Variants in ACADM observed in about 807,000 individuals in gnomAD.
ACADM encodes the protein medium-chain specific acyl-CoA dehydrogenase, mitochondrial.
Under a neutral mutation model 58.9 loss-of-function variants are expected in ACADM, and 49 were observed. The ratio of observed to expected loss-of-function variants is 0.83; its 90% CI spans 0.66 to 1.06. The LOEUF is 1.06. ACADM is among the 50% of genes least tolerant of loss of function. The pLI, the probability that ACADM is intolerant of heterozygous loss-of-function variation, is 0.00. For missense variants in ACADM, 496 were observed against 507.0 expected, an observed-to-expected ratio of 0.98 and a Z score of 0.21; for synonymous variants, 160 against 157.7, an observed-to-expected ratio of 1.01 and a Z score of -0.11.
intron 7 of ACADM, chr1:75,744,637 T>C: frequency 1.0e-6 from 1 of 997,566 alleles, no homozygotes. Flanking sequence ...AATGACAACC[T>C]TCCTGCTGTT....
rs568870934 is a variant in ACADM at position 75,733,658 on chromosome 1, C to T, written c.387+30C>T. 7 of 1,540,100 alleles carry T rather than the reference C, an allele frequency of 4.5e-6. 1 individual carries two copies. The South Asian group carries it at 5.6e-5, about 12-fold the overall frequency. On this transcript the variant is annotated intron_variant, in intron 5 of 11. Coordinates refer to ENST00000370841, the MANE Select transcript of ACADM (RefSeq NM_000016.6). ...GTGACTTAGAAAATTAACTACCTAACTCAGCTCTTGTTAATGAGATAGTTA... is the reference window on the plus strand; with the variant it reads ...GTGACTTAGAAAATTAACTACCTAATTCAGCTCTTGTTAATGAGATAGTTA...
chr1:75,753,564 A>G (rs1648323299), intron 10 of ACADM, among the ~76,000 whole-genome samples: 1 of 152,002 alleles, frequency 6.6e-6, no homozygotes, highest in Admixed American at 6.6e-5. Flanking sequence ...ATCGTCTTCC[A>G]GGTCCTCCTT....
rs1553127399 is a variant in ACADM, at chr1:75,762,745, TGAC to T, written c.1249_1251del (p.Asp417del). 1 of 1,603,688 alleles carries T rather than the reference TGAC, an allele frequency of 6.2e-7. No individual in the cohort carries two copies. The highest frequency in any genetic ancestry group is 8.5e-7 in the Non-Finnish European group (1 of 1,171,424). On this transcript the variant is annotated inframe_deletion, in exon 12 of 12. Transcript: ENST00000370841. ...GACTTATTGTAGCCCGTGAACACAT[TGAC>T]AAGTACAAAAATTAAAAAAATTACT...
chr1:75,760,916 A>G (rs1466003443), intron 10 of ACADM, among the ~76,000 whole-genome samples: 7 of 152,114 alleles, frequency 4.6e-5, no homozygotes, highest in Non-Finnish European at 1.0e-4. Context: ...AAAGTTTAAA[A>G]AATAAAAAGG....
chr1:75,735,046 G>A (rs1008670522), intron 6 of ACADM, among the ~76,000 whole-genome samples, 175 bp downstream of exon 6: 1 of 152,116 alleles, frequency 6.6e-6, no homozygotes, highest in Non-Finnish European at 1.5e-5. Flanking sequence ...TAGGCCGAGG[G>A]CAATGGCTCG....
In ACADM at chr1:75,724,738, A is replaced by G. The variant is rs753411141; in HGVS notation, c.-50A>G. ...GAGTCCCGCGTTCGGGGAGTATGTC[A>G]AGGCCGTGACCCGTGTATTATTGTC... On this transcript the variant is annotated 5_prime_UTR_variant, in exon 1 of 12. Transcript: ENST00000370841. 4.5e-6 allele frequency: 7 copies of G among 1,542,930 alleles called. No individual in the cohort carries two copies. The highest frequency in any genetic ancestry group is 6.1e-6 in the Non-Finnish European group (7 of 1,145,070).
rs59063908 is a variant in ACADM at position 75,760,544 on chromosome 1, C to CAAAAAAAAAAAAAAAAAAAAAAA, written c.946-564_946-542dup. Reference sequence around the variant, plus strand: ...TGGAAAACAAAGTGAGACCCTGTCTCAAAAAAAAAAAAAAAAAAAAAAAAA... The same window carrying CAAAAAAAAAAAAAAAAAAAAAAA: ...TGGAAAACAAAGTGAGACCCTGTCTCAAAAAAAAAAAAAAAAAAAAAAAAAAAAAAAAAAAAAAAAAAAAAAAA... On this transcript the variant is annotated intron_variant, in intron 10 of 11. Transcript: ENST00000370841. Among the ~76,000 whole-genome samples the CAAAAAAAAAAAAAAAAAAAAAAA allele has an allele frequency of 5.1e-4, 18 of 35,488 alleles. 2 individuals are homozygous for CAAAAAAAAAAAAAAAAAAAAAAA. Among genetic ancestry groups the CAAAAAAAAAAAAAAAAAAAAAAA allele is most frequent in the Non-Finnish European group, 7.9e-4 (13 of 16,388 alleles). 23.3% of individuals were successfully genotyped at this position (35,488 alleles called of 152,430 possible).
Position 75,732,710 on chromosome 1 carries a change from C to T in ACADM, c.185C>T (p.Pro62Leu). ...ARKFAREEII[P>L]VAAEYDKTGE... is the part of the protein sequence containing the mutation. ...AAATTTGCCAGAGAGGAAATCATCCCAGTGGCTGCAGAATATGATAAAACT... is the reference window on the plus strand; with the variant it reads ...AAATTTGCCAGAGAGGAAATCATCCTAGTGGCTGCAGAATATGATAAAACT... Residue 62 changes from proline (P) to leucine (L), a missense_variant, in exon 3 of 12, where the codon CCA becomes CTA. Physicochemically the swap from Pro to Leu is moderately conservative, Grantham distance 98. Transcript: ENST00000370841. 6.2e-7 allele frequency: 1 copy of T among 1,613,974 alleles called. No homozygotes were observed. The highest frequency in any genetic ancestry group is 8.5e-7 in the Non-Finnish European group (1 of 1,179,906).
chr1:75,736,470 G>C (rs948515810), intron 6 of ACADM, among the ~76,000 whole-genome samples: 1 of 152,076 alleles, frequency 6.6e-6, no homozygotes, highest in African/African-American at 2.4e-5. Context: ...TAACAATTGA[G>C]AGGTTAGCTA....
intron 7 of ACADM, chr1:75,744,778 G>T: frequency 6.2e-6 from 4 of 640,838 alleles, no homozygotes; most frequent in South Asian, 3.3e-5. Context: ...ACAGCATCAC[G>T]GCGGCCGGGT....
At chr1:75,731,304 AAGAG>A (rs1323160581) in intron 2 of ACADM, among the ~76,000 whole-genome samples, 20 of 139,276 alleles carry the variant, frequency 1.4e-4, no homozygotes, top group Non-Finnish European at 2.3e-4. Context: ...AAAAAAAAAA[AAGAG>A]ATTTGATCTT....
At chr1:75,730,060 A>G (rs779944104) in intron 2 of ACADM, among the ~76,000 whole-genome samples, 3 of 151,706 alleles carry the variant, frequency 2.0e-5, no homozygotes, top group Non-Finnish European at 4.4e-5. Flanking sequence ...ATACCTGGCT[A>G]ATTTTTATAT....
At chr1:75,744,068 C>T (rs964567188) in intron 7 of ACADM, 41 of 1,587,604 alleles carry the variant, frequency 2.6e-5, no homozygotes, top group Middle Eastern at 1.7e-4. Flanking sequence ...CTCCTTCAGA[C>T]GCTGAGCAAT....
chr1:75,725,819 G>A (rs2100338416), intron 1 of ACADM, among the ~76,000 whole-genome samples: 1 of 152,336 alleles, frequency 6.6e-6, no homozygotes, highest in East Asian at 1.9e-4. Context: ...AAAATACGCA[G>A]TGAGATTAGT....
intron 7 of ACADM, among the ~76,000 whole-genome samples, chr1:75,742,847 G>A (rs1420353594): frequency 1.3e-5 from 2 of 152,158 alleles, no homozygotes; most frequent in African/African-American, 4.8e-5. Context: ...GTGCTTCCTG[G>A]TAGAGGTAGA....
At chr1:75,737,398 A>G (rs1247148776) in intron 6 of ACADM, among the ~76,000 whole-genome samples, 2 of 149,806 alleles carry the variant, frequency 1.3e-5, no homozygotes, top group Admixed American at 6.7e-5. Flanking sequence ...TTTTGTATAG[A>G]AAAAAACAGG....
In ACADM at chr1:75,748,229, T is replaced by C. The variant is rs577094995; in HGVS notation, c.709-1190T>C. Among the ~76,000 whole-genome samples, 17 of 152,302 alleles carry C rather than the reference T, an allele frequency of 1.1e-4. No homozygotes were observed. The East Asian group carries it at 1.9e-3, about 17-fold the overall frequency. On this transcript the variant is annotated intron_variant, in intron 8 of 11. Transcript: ENST00000370841. ...AGCAAATGTATCAAAATGTTAACAA[T>C]TGGTGAATCTATTATAGATGAAGGG... is the stretch of plus-strand genomic sequence containing the variant.
intron 10 of ACADM, 192 bp downstream of exon 10, chr1:75,750,738 C>A: frequency 1.6e-6 from 1 of 616,794 alleles, no homozygotes. Flanking sequence ...CTGAACCTGA[C>A]ACTGTGCTAT....
chr1:75,762,679 A>AT lies in ACADM; in HGVS notation c.1195-8dup, dbSNP rs764088394. 4 of 1,554,042 alleles carry AT rather than the reference A, an allele frequency of 2.6e-6. No individual in the cohort carries two copies. Among genetic ancestry groups the AT allele is most frequent in the Admixed American group, 3.3e-5 (2 of 59,856 alleles). On this transcript the variant is annotated splice_polypyrimidine_tract_variant and intron_variant, in intron 11 of 11. Coordinates refer to ENST00000370841, the MANE Select transcript of ACADM (RefSeq NM_000016.6). ...CTAAAGATATTTAACCTACACTTAT[A>AT]TTTTTCTTGCAGATTTATGAAGGTA...
Sources: gnomAD v4.1 joint callset for allele counts (sites outside exome capture counted in the v4.1 genomes callset) on GRCh38, gnomAD v4.1.1 for gene constraint, MANE v1.5 for transcripts, NCBI Gene and HGNC (gene_info 2026-07-23, HGNC 2026-07-21) for gene names.